The following PCDH15 variants were observed in gnomAD, a reference collection of about 807,000 sequenced individuals.
PCDH15 encodes protocadherin related 15.
Under a neutral mutation model 178.5 loss-of-function variants are expected in PCDH15, and 129 were observed. The observed-to-expected ratio is 0.72, with a 90% confidence interval of 0.63 to 0.84. The LOEUF (loss-of-function observed/expected upper bound fraction) is 0.84. Ranked by LOEUF, PCDH15 falls within the 40% of genes least tolerant of loss-of-function variation. The pLI, the probability that PCDH15 is intolerant of heterozygous loss-of-function variation, is 0.00. For missense variants in PCDH15, 2,230 were observed against 2,099.9 expected (o/e 1.06, Z -1.21); for synonymous variants, 800 against 732.0 (o/e 1.09, Z -1.50).
intron 1 of PCDH15, among the ~76,000 whole-genome samples, chr10:54,778,662 T>C (rs1399907642): frequency 1.3e-5 from 2 of 152,188 alleles, no homozygotes; most frequent in Non-Finnish European, 2.9e-5. Flanking sequence ...TATTCAGGCA[T>C]ATTAATTATT....
chr10:55,483,198 C>T (rs1329467248), intron 2 of PCDH15, among the ~76,000 whole-genome samples: 1 of 151,574 alleles, frequency 6.6e-6, no homozygotes, highest in East Asian at 1.9e-4. Flanking sequence ...AACAGACAAC[C>T]TGAAGAACAG....
Position 53,806,400 on chromosome 10 carries a change from G to GATTA in PCDH15, c.*175_*178dup, listed in dbSNP as rs1173804264. The GATTA allele has an allele frequency of 1.3e-5, 7 of 557,654 alleles. No homozygotes were observed. The highest frequency in any genetic ancestry group is 3.8e-5 in the African/African-American group (2 of 53,232). The allele number at this position is 557,654 out of a possible 1,614,324, so 34.5% of individuals were successfully genotyped here. ...TCCAAAAGGATTTTCTGGGAAAAAC[G>GATTA]ATTAATTGATAACAATGTGAGTGCA... On this transcript the variant is annotated 3_prime_UTR_variant, in exon 38 of 38. Transcript: ENST00000644397.
intron 3 of PCDH15, among the ~76,000 whole-genome samples, chr10:54,835,264 T>C (rs1362779625): frequency 6.6e-6 from 1 of 152,128 alleles, no homozygotes; most frequent in Non-Finnish European, 1.5e-5. Context: ...GAATTAATAT[T>C]AATATTTTTT....
chr10:54,156,578 G>T (rs911062732), intron 13 of PCDH15, among the ~76,000 whole-genome samples: 1 of 152,146 alleles, frequency 6.6e-6, no homozygotes, highest in African/African-American at 2.4e-5. Flanking sequence ...CCCACAACAC[G>T]TGGGAATTCA....
intron 2 of PCDH15, among the ~76,000 whole-genome samples, chr10:55,143,592 T>C (rs1466396013): frequency 6.6e-6 from 1 of 152,048 alleles, no homozygotes; most frequent in Non-Finnish European, 1.5e-5. Context: ...AATAAATAAA[T>C]TGCTGAAGAG....
At chr10:55,207,128 G>T (rs377406017) in intron 1 of PCDH15, among the ~76,000 whole-genome samples, 1 of 152,016 alleles carries the variant, frequency 6.6e-6, no homozygotes, top group Non-Finnish European at 1.5e-5. Flanking sequence ...GAAGTCGGGA[G>T]TAATTACTTC....
chr10:55,092,513 G>A (rs1364106903), intron 2 of PCDH15, among the ~76,000 whole-genome samples: 1 of 151,634 alleles, frequency 6.6e-6, no homozygotes, highest in African/African-American at 2.4e-5. Flanking sequence ...ATTTAGAAAG[G>A]CACTTTAATT....
chr10:53,982,509 T>C (rs2090737900), intron 21 of PCDH15, among the ~76,000 whole-genome samples: 2 of 152,090 alleles, frequency 1.3e-5, no homozygotes, highest in Non-Finnish European at 2.9e-5. Context: ...GATGAGTTCA[T>C]GTCCTTTGTA....
At chr10:55,016,166 T>A (rs189422698) in intron 2 of PCDH15, among the ~76,000 whole-genome samples, 130 of 150,576 alleles carry the variant, frequency 8.6e-4, no homozygotes, top group African/African-American at 2.9e-3. Context: ...AAACATGAGA[T>A]ATTTTGATAC....
At chr10:53,931,283 A>C (rs991604273) in intron 25 of PCDH15, among the ~76,000 whole-genome samples, 1 of 152,160 alleles carries the variant, frequency 6.6e-6, no homozygotes, top group Non-Finnish European at 1.5e-5. Flanking sequence ...GTGAGGTGGG[A>C]GTGGGCAGAA....
chr10:55,212,328 G>A (rs943767607), intron 1 of PCDH15, among the ~76,000 whole-genome samples: 2 of 151,944 alleles, frequency 1.3e-5, no homozygotes, highest in African/African-American at 2.4e-5. Context: ...TATAAAAGCT[G>A]CTTCATTTTA....
chr10:55,244,548 T>A (rs758003274), intron 1 of PCDH15, among the ~76,000 whole-genome samples: 63 of 151,836 alleles, frequency 4.1e-4, no homozygotes, highest in Non-Finnish European at 1.0e-4. Context: ...TTCTGAGTTG[T>A]TCTGTGTGTA....
At chr10:54,175,513 T>C (rs924245852) in intron 13 of PCDH15, among the ~76,000 whole-genome samples, 1 of 152,228 alleles carries the variant, frequency 6.6e-6, no homozygotes, top group African/African-American at 2.4e-5. Flanking sequence ...AGTTACCACA[T>C]GCAGCATTTG....
intron 1 of PCDH15, among the ~76,000 whole-genome samples, chr10:55,252,505 T>A (rs2132225097): frequency 6.6e-6 from 1 of 152,272 alleles, no homozygotes; most frequent in East Asian, 1.9e-4. Context: ...ACTTAAATAG[T>A]TCTATAATAT....
rs139753933 is a variant in PCDH15 at position 54,089,413 on chromosome 10, T to C, written c.1997+571A>G. Among the ~76,000 whole-genome samples, 1,052 of 152,322 alleles carry C rather than the reference T, an allele frequency of 6.9e-3. 10 individuals are homozygous for C. The highest frequency in any genetic ancestry group is 0.024 in the African/African-American group (1,003 of 41,568). On this transcript the variant is annotated intron_variant, in intron 16 of 37. Transcript: ENST00000644397. ...GCAAAAGGGAAGCATACAGTCTCTC[T>C]GAAGCCCTAAATGCCTCCTTTTAAT... is the stretch of plus-strand genomic sequence containing the variant.
At chr10:55,316,129 T>A (rs1843716626) in intron 1 of PCDH15, among the ~76,000 whole-genome samples, 1 of 152,220 alleles carries the variant, frequency 6.6e-6, no homozygotes, top group Non-Finnish European at 1.5e-5. Context: ...CAAAAATTTT[T>A]CCATTTTCTG....
chr10:55,378,884 TCTC>T (rs1313247714), intron 2 of PCDH15, among the ~76,000 whole-genome samples: 6 of 149,780 alleles, frequency 4.0e-5, no homozygotes, highest in African/African-American at 1.5e-4. Context: ...CCCATCTCTC[TCTC>T]TCTCTCTCTC....
At chr10:54,675,941 G>C (rs985982349) in intron 1 of PCDH15, among the ~76,000 whole-genome samples, 4 of 152,106 alleles carry the variant, frequency 2.6e-5, no homozygotes, top group African/African-American at 9.7e-5. Context: ...ATTTGTTCTT[G>C]TCAAATCTGT....
chr10:54,766,200 A>G (rs748199705), intron 1 of PCDH15, among the ~76,000 whole-genome samples: 5 of 152,190 alleles, frequency 3.3e-5, no homozygotes, highest in Non-Finnish European at 7.4e-5. Context: ...ATTGTTCAAA[A>G]TAGAACTTAT....
Sources: allele counts gnomAD v4.1 joint callset (sites outside exome capture counted in the v4.1 genomes callset), GRCh38; gene constraint gnomAD v4.1.1; transcripts MANE v1.5; gene names NCBI Gene and HGNC (gene_info 2026-07-23, HGNC 2026-07-21).